CCDC186: variants seen among roughly 807,000 people sequenced by gnomAD.
The protein encoded by CCDC186 is coiled-coil domain-containing protein 186.
A neutral mutation model predicts 113.7 loss-of-function variants in CCDC186; 49 were observed. The observed-to-expected ratio is 0.43, with a 90% CI of 0.34 to 0.55. The LOEUF (loss-of-function observed/expected upper bound fraction) is 0.55, where lower values mean the gene tolerates loss of function less well. CCDC186 is among the 20% of genes least tolerant of loss of function. The pLI is 0.02. For synonymous variants in CCDC186, 355 were observed against 345.8 expected, an observed-to-expected ratio of 1.03 and a Z score of -0.30; for missense variants, 890 against 1,011.1, an observed-to-expected ratio of 0.88 and a Z score of 1.62.
intron 4 of CCDC186, among the ~76,000 whole-genome samples, chr10:114,148,705 G>A (rs1376741296): frequency 6.6e-6 from 1 of 152,174 alleles, no homozygotes; most frequent in Non-Finnish European, 1.5e-5. Context: ...GGTATACTAG[G>A]GCTAAAACCT....
chr10:114,173,135 A>G (rs2032562167), intron 1 of CCDC186: 1 of 432,624 alleles, frequency 2.3e-6, no homozygotes, highest in Non-Finnish European at 4.7e-6. Context: ...GAAAACGGCC[A>G]AGTACCTGGG....
intron 6 of CCDC186, among the ~76,000 whole-genome samples, chr10:114,137,846 G>T (rs1157790154): frequency 1.3e-5 from 2 of 151,894 alleles, no homozygotes; most frequent in Non-Finnish European, 2.9e-5. Context: ...AGACCAGCCT[G>T]ACCAACATGG....
intron 1 of CCDC186, among the ~76,000 whole-genome samples, chr10:114,164,901 T>C (rs983668394): frequency 2.6e-5 from 4 of 152,238 alleles, no homozygotes; most frequent in African/African-American, 7.2e-5. Flanking sequence ...GAACAAATCA[T>C]AGTAAATCAC....
rs1292436237 is a variant in CCDC186, at chr10:114,125,237, TG to T, written c.2614-12del. On this transcript the variant is annotated splice_polypyrimidine_tract_variant and intron_variant, in intron 15 of 15. Coordinates refer to ENST00000369287, the MANE Select transcript of CCDC186 (RefSeq NM_018017.4). ...TGTTTGTAGATTTTCCTTTAATAAT[TG>T]GGGTGAGGGGAAAGGGAAGAGAAAA... The T allele has an allele frequency of 2.5e-6, 4 of 1,576,864 alleles. No individual in the cohort carries two copies.
intron 6 of CCDC186, among the ~76,000 whole-genome samples, chr10:114,138,189 G>A (rs528993775): frequency 3.5e-4 from 52 of 148,688 alleles, no homozygotes; most frequent in South Asian, 2.8e-3. Flanking sequence ...GCAGTGAGCC[G>A]AGACTGCACC....
At chr10:114,132,677 G>A (rs898350579) in intron 10 of CCDC186, among the ~76,000 whole-genome samples, 2 of 152,182 alleles carry the variant, frequency 1.3e-5, no homozygotes, top group Non-Finnish European at 2.9e-5. Context: ...AGAGGTAGTG[G>A]GCTGGATTTG....
chr10:114,150,952 A>C, intron 4 of CCDC186, 140 bp downstream of exon 4: 10 of 992,934 alleles, frequency 1.0e-5, no homozygotes, highest in African/African-American at 1.7e-5. Context: ...CGTCTGGCCT[A>C]ATGGCTTACT....
chr10:114,162,479 C>T, intron 2 of CCDC186, 158 bp downstream of exon 2: 1 of 543,054 alleles, frequency 1.8e-6, no homozygotes, highest in Non-Finnish European at 3.1e-6. Context: ...CATTTGCTCA[C>T]ACATTCAGCA....
At chr10:114,164,327 T>C (rs2032273058) in intron 1 of CCDC186, among the ~76,000 whole-genome samples, 1 of 151,904 alleles carries the variant, frequency 6.6e-6, no homozygotes. Flanking sequence ...TTCACCAGGT[T>C]GGCCAGGCTG....
chr10:114,133,647 A>G (rs2031163908), intron 10 of CCDC186, among the ~76,000 whole-genome samples: 1 of 152,202 alleles, frequency 6.6e-6, no homozygotes, highest in African/African-American at 2.4e-5. Context: ...CCAAAGGAAC[A>G]AGCCTATCAA....
chr10:114,160,808 G>A (rs1470280989), intron 2 of CCDC186, among the ~76,000 whole-genome samples: 3 of 152,142 alleles, frequency 2.0e-5, no homozygotes, highest in Non-Finnish European at 2.9e-5. Flanking sequence ...AAATTTAGTT[G>A]TTTTAGAGTT....
At chr10:114,169,169 T>C (rs754082199) in intron 1 of CCDC186, among the ~76,000 whole-genome samples, 29 of 151,716 alleles carry the variant, frequency 1.9e-4, no homozygotes, top group Non-Finnish European at 3.5e-4. Context: ...GTTTTAAGTA[T>C]ATTAAGAGAA....
At chr10:114,160,026 T>C (rs2119817952) in intron 2 of CCDC186, among the ~76,000 whole-genome samples, 1 of 152,182 alleles carries the variant, frequency 6.6e-6, no homozygotes, top group South Asian at 2.1e-4. Flanking sequence ...TCCCAGAACT[T>C]TGGGAGGCTG....
At chr10:114,137,326 A>G (rs758713244) in intron 6 of CCDC186, 36 bp from the exon 7 acceptor site, 1 of 1,497,540 alleles carries the variant, frequency 6.7e-7, no homozygotes, top group East Asian at 2.3e-5. Context: ...AGTTGGGTAC[A>G]GCAACGTGAT....
At chr10:114,136,493 G>A (rs989874165) in intron 7 of CCDC186, among the ~76,000 whole-genome samples, 1 of 152,158 alleles carries the variant, frequency 6.6e-6, no homozygotes, top group Non-Finnish European at 1.5e-5. Flanking sequence ...GCAGCAAGCT[G>A]CACTTTTTTT....
At chr10:114,145,269 C>T (rs1022061505) in intron 5 of CCDC186, among the ~76,000 whole-genome samples, 2 of 152,058 alleles carry the variant, frequency 1.3e-5, no homozygotes, top group East Asian at 3.8e-4. Context: ...CTCCAACATA[C>T]AGATTTTAAA....
At chr10:114,130,237 G>T (rs972925208) in intron 12 of CCDC186, 3 of 234,612 alleles carry the variant, frequency 1.3e-5, no homozygotes, top group African/African-American at 6.9e-5. Context: ...AGTATTGAAA[G>T]ATTTAGAAGT....
chr10:114,129,836 G>A, intron 13 of CCDC186, 55 bp downstream of exon 13: 2 of 1,541,164 alleles, frequency 1.3e-6, no homozygotes, highest in Non-Finnish European at 1.8e-6. Context: ...GGCCAAAAAT[G>A]CTATTTATTT....
At chr10:114,173,936 A>G (rs1250847413) in intron 1 of CCDC186, 79 bp downstream of exon 1, 2 of 450,422 alleles carry the variant, frequency 4.4e-6, no homozygotes, top group Non-Finnish European at 9.0e-6. Flanking sequence ...AACGTGCAGG[A>G]AGGAGCGGAA....
Sources: gnomAD v4.1 joint callset for allele counts (sites outside exome capture counted in the v4.1 genomes callset) on GRCh38, gnomAD v4.1.1 for gene constraint, MANE v1.5 for transcripts, NCBI Gene and HGNC (gene_info 2026-07-23, HGNC 2026-07-21) for gene names.